Variants in MBOAT1 observed in about 807,000 individuals in gnomAD.
MBOAT1 encodes the protein membrane-bound glycerophospholipid O-acyltransferase 1.
MBOAT1 carries 67 observed loss-of-function variants against 64.4 expected under a neutral mutation model. The observed-to-expected ratio is 1.04, with a 90% confidence interval of 0.85 to 1.27. The LOEUF (loss-of-function observed/expected upper bound fraction) is 1.27. Among genes scored for constraint, MBOAT1 ranks in the 50% most tolerant of loss-of-function variants. The probability of loss-of-function intolerance (pLI) is 0.00; values close to 1 mark genes in which losing one functional copy is unlikely to be tolerated. For missense variants in MBOAT1, 563 were observed against 604.6 expected, an observed-to-expected ratio of 0.93 and a Z score of 0.72; for synonymous variants, 229 against 218.9, an observed-to-expected ratio of 1.05 and a Z score of -0.41.
At chr6:20,134,667 T>A (rs1760924630) in intron 4 of MBOAT1, among the ~76,000 whole-genome samples, 1 of 152,172 alleles carries the variant, frequency 6.6e-6, no homozygotes, top group African/African-American at 2.4e-5. Context: ...AAAAGCACCA[T>A]ACTGTCTTTC....
intron 1 of MBOAT1, among the ~76,000 whole-genome samples, chr6:20,167,471 T>A (rs73729917): frequency 7.5e-4 from 115 of 152,336 alleles, no homozygotes; most frequent in Middle Eastern, 3.4e-3. Context: ...GGTAGTGCAT[T>A]AATTTTAATT....
At chr6:20,138,494 A>G (rs1345308426) in intron 4 of MBOAT1, among the ~76,000 whole-genome samples, 1 of 152,258 alleles carries the variant, frequency 6.6e-6, no homozygotes, top group Non-Finnish European at 1.5e-5. Flanking sequence ...CTCTTGTGTC[A>G]AACCCCCAAA....
intron 1 of MBOAT1, among the ~76,000 whole-genome samples, chr6:20,195,617 G>A (rs1243595075): frequency 6.6e-6 from 1 of 152,124 alleles, no homozygotes; most frequent in East Asian, 1.9e-4. Context: ...GTGTGTGTGT[G>A]TGTGTGTGTG....
At chr6:20,179,200 C>T in intron 1 of MBOAT1, among the ~76,000 whole-genome samples, 1 of 151,808 alleles carries the variant, frequency 6.6e-6, no homozygotes, top group East Asian at 2.0e-4. Flanking sequence ...AGAAAACTCA[C>T]ACAAAGTTAA....
chr6:20,190,931 A>C (rs926129583), intron 1 of MBOAT1, among the ~76,000 whole-genome samples: 1 of 152,116 alleles, frequency 6.6e-6, no homozygotes, highest in Non-Finnish European at 1.5e-5. Flanking sequence ...TTAATAAGGA[A>C]CTCTACTTTA....
intron 1 of MBOAT1, among the ~76,000 whole-genome samples, chr6:20,177,435 C>A (rs1032171027): frequency 5.9e-5 from 9 of 152,144 alleles, no homozygotes; most frequent in African/African-American, 1.9e-4. Flanking sequence ...CTAAAGAGAT[C>A]CTCCTGCCTC....
intron 9 of MBOAT1, among the ~76,000 whole-genome samples, chr6:20,117,237 A>G (rs1001842451): frequency 6.6e-6 from 1 of 152,196 alleles, no homozygotes; most frequent in South Asian, 2.1e-4. Context: ...GAGACCCCAG[A>G]TCCTCTAGGA....
rs539298527 is a variant in MBOAT1, at chr6:20,123,316, C to G, written c.907+1092G>C. On this transcript the variant is annotated intron_variant, in intron 8 of 12. Coordinates refer to ENST00000324607, the MANE Select transcript of MBOAT1 (RefSeq NM_001080480.3). ...TTAATCTTCTATTTTATTTAATAAG[C>G]CAAGTCACTGCTCTCTGACATCAAG... Among the ~76,000 whole-genome samples, 15 of 152,216 alleles carry G rather than the reference C, an allele frequency of 9.9e-5. No homozygotes were observed. In the South Asian group the frequency reaches 3.1e-3, roughly 32 times the overall value.
chr6:20,173,753 C>T (rs1055738220), intron 1 of MBOAT1, among the ~76,000 whole-genome samples: 4 of 151,960 alleles, frequency 2.6e-5, no homozygotes, highest in East Asian at 1.9e-4. Flanking sequence ...GAGTTCGAGA[C>T]GAGCCTGGCA....
chr6:20,103,573 A>G (rs1249401440), intron 12 of MBOAT1, among the ~76,000 whole-genome samples: 1 of 152,000 alleles, frequency 6.6e-6, no homozygotes, highest in Non-Finnish European at 1.5e-5. Flanking sequence ...CTGGGACTAC[A>G]TGCGCCACCA....
intron 1 of MBOAT1, among the ~76,000 whole-genome samples, chr6:20,179,499 A>G (rs1762447023): frequency 6.6e-6 from 1 of 152,170 alleles, no homozygotes; most frequent in Non-Finnish European, 1.5e-5. Flanking sequence ...ATTCATTTTT[A>G]TGGCTGCATA....
intron 8 of MBOAT1, among the ~76,000 whole-genome samples, chr6:20,122,765 C>T (rs1331343435): frequency 6.6e-6 from 1 of 151,996 alleles, no homozygotes; most frequent in South Asian, 2.1e-4. Context: ...GAACTTAATA[C>T]CACTGAAGTG....
rs113570493 is a variant in MBOAT1 at position 20,212,375 on chromosome 6, G to T, written c.-141C>A. The stretch of plus-strand genomic sequence containing the variant: ...CGCGGGGGAGCGAACGGGAGGCCGG[G>T]GAATGCGAACCGGCGCAAACTCTCG... On this transcript the variant is annotated 5_prime_UTR_variant, in exon 1 of 13. Coordinates refer to ENST00000324607, the MANE Select transcript of MBOAT1 (RefSeq NM_001080480.3). 2 of 716,484 alleles carry T rather than the reference G, an allele frequency of 2.8e-6. No homozygotes were observed. Among genetic ancestry groups the T allele is most frequent in the Non-Finnish European group, 2.3e-6 (1 of 441,172 alleles). 44.4% of individuals were successfully genotyped at this position (716,484 alleles called of 1,614,324 possible).
intron 4 of MBOAT1, among the ~76,000 whole-genome samples, chr6:20,143,408 C>T (rs1172035787): frequency 6.6e-6 from 1 of 152,152 alleles, no homozygotes; most frequent in African/African-American, 2.4e-5. Flanking sequence ...GGCCTGGGGG[C>T]CGGGGCAAGG....
chr6:20,160,823 T>A (rs559815052), intron 1 of MBOAT1, among the ~76,000 whole-genome samples: 1 of 152,354 alleles, frequency 6.6e-6, no homozygotes, highest in South Asian at 2.1e-4. Context: ...AGGGATCCTT[T>A]GTTACACTTT....
At position 20,100,024 on chromosome 6, in the gene MBOAT1, A is replaced by G. The variant is rs1759747757; in HGVS notation, c.*2262T>C. Among the ~76,000 whole-genome samples, 1 of 152,154 alleles carries G rather than the reference A, an allele frequency of 6.6e-6. No individual in the cohort carries two copies. The highest frequency in any genetic ancestry group is 2.4e-5 in the African/African-American group (1 of 41,442). On this transcript the variant is annotated 3_prime_UTR_variant, in exon 13 of 13. Transcript: ENST00000324607. ...ACTCCTAGAGGTTTGACTTCTCCTCATCCCATAAGGAGTAATCAATTCTGG... is the reference window on the plus strand; with the variant it reads ...ACTCCTAGAGGTTTGACTTCTCCTCGTCCCATAAGGAGTAATCAATTCTGG...
At chr6:20,185,932 G>A (rs967053653) in intron 1 of MBOAT1, among the ~76,000 whole-genome samples, 34 of 152,022 alleles carry the variant, frequency 2.2e-4, no homozygotes, top group African/African-American at 7.0e-4. Flanking sequence ...CTCTAATCCC[G>A]ATGCTTTGGG....
chr6:20,178,405 TA>T (rs533249568), intron 1 of MBOAT1, among the ~76,000 whole-genome samples: 4 of 151,954 alleles, frequency 2.6e-5, no homozygotes, highest in African/African-American at 7.3e-5. Context: ...AAGTTGATAA[TA>T]AAAAAAGTTG....
At position 20,190,669 on chromosome 6, in the gene MBOAT1, T is replaced by C. The variant is rs546463210; in HGVS notation, c.99+21467A>G. On this transcript the variant is annotated intron_variant, in intron 1 of 12. Transcript: ENST00000324607. ...ACTGCTTCACATTTAGGAATCTTTC[T>C]ATCTTTAAGTGCCCACTGAGAAAGG... Among the ~76,000 whole-genome samples, 11 of 152,340 alleles carry C rather than the reference T, an allele frequency of 7.2e-5. No individual in the cohort carries two copies. In the South Asian group the frequency reaches 1.9e-3, roughly 26 times the overall value.
Sources: allele counts gnomAD v4.1 joint callset (sites outside exome capture counted in the v4.1 genomes callset), GRCh38; gene constraint gnomAD v4.1.1; transcripts MANE v1.5; gene names NCBI Gene and HGNC (gene_info 2026-07-23, HGNC 2026-07-21).